The following GALNT14 variants were observed in gnomAD, a reference collection of about 807,000 sequenced individuals.
The protein encoded by GALNT14 is UDP-GalNAc:polypeptide N-acetylgalactosaminyltransferase 14.
A neutral mutation model predicts 77.5 loss-of-function variants in GALNT14; 60 were observed. That is an observed-to-expected ratio of 0.77 (90% CI 0.63 to 0.96). The LOEUF (loss-of-function observed/expected upper bound fraction) is 0.96. GALNT14 is among the 40% of genes least tolerant of loss of function. The probability of loss-of-function intolerance (pLI) is 0.00; values close to 1 mark genes in which losing one functional copy is unlikely to be tolerated. For synonymous variants in GALNT14, 280 were observed against 281.7 expected (o/e 0.99, Z 0.06); for missense variants, 710 against 731.0 (o/e 0.97, Z 0.33).
intron 1 of GALNT14, among the ~76,000 whole-genome samples, chr2:31,119,109 A>T: frequency 6.6e-6 from 1 of 152,296 alleles, no homozygotes; most frequent in East Asian, 1.9e-4. Flanking sequence ...AGAAAAAAAA[A>T]TCATATAAAA....
At position 31,132,266 on chromosome 2, in the gene GALNT14, C is replaced by T. The variant is rs145062400; in HGVS notation, c.129+5692G>A. Among the ~76,000 whole-genome samples the T allele has an allele frequency of 9.4e-3, 1,436 of 152,318 alleles. 11 individuals carry two copies. The highest frequency in any genetic ancestry group is 0.014 in the East Asian group (71 of 5,182). ...CCCACGGTGAATTTCTCACCATACC[C>T]ATGGGATAGAGGCTCAGTGGTTTTG... On this transcript the variant is annotated intron_variant, in intron 1 of 14. Transcript: ENST00000349752.
intron 1 of GALNT14, among the ~76,000 whole-genome samples, chr2:31,018,608 A>ACC (rs1671528552): frequency 6.6e-6 from 1 of 152,216 alleles, no homozygotes; most frequent in East Asian, 1.9e-4. Flanking sequence ...GGGTGGGGAC[A>ACC]CAAAGCCAAA....
chr2:31,133,262 C>T (rs1319705320), intron 1 of GALNT14, among the ~76,000 whole-genome samples: 1 of 152,192 alleles, frequency 6.6e-6, no homozygotes, highest in Non-Finnish European at 1.5e-5. Context: ...AAGCGGGCAA[C>T]AAGAACCCGT....
chr2:30,996,475 T>C (rs1310146044), intron 1 of GALNT14, among the ~76,000 whole-genome samples: 1 of 152,208 alleles, frequency 6.6e-6, no homozygotes, highest in Non-Finnish European at 1.5e-5. Flanking sequence ...ATTGCCTCCC[T>C]GTGCTGGAGA....
intron 1 of GALNT14, among the ~76,000 whole-genome samples, chr2:31,126,270 A>C (rs922035232): frequency 6.6e-6 from 1 of 152,168 alleles, no homozygotes; most frequent in Non-Finnish European, 1.5e-5. Context: ...TTGCAAAGGG[A>C]AAAATACATT....
chr2:30,903,164 T>A, the GALNT14 span, among the ~76,000 whole-genome samples: 1 of 152,234 alleles, frequency 6.6e-6, no homozygotes, highest in African/African-American at 2.4e-5. Flanking sequence ...CTCTTTACTT[T>A]CCAAGTCTAT....
At chr2:30,933,064 T>C (rs549611257) in intron 9 of GALNT14, among the ~76,000 whole-genome samples, 48 of 152,268 alleles carry the variant, frequency 3.2e-4, no homozygotes, top group African/African-American at 1.1e-3. Flanking sequence ...GTAGTGCTTC[T>C]GCCCTGAGAA....
chr2:30,944,214 G>A (rs548559656), intron 8 of GALNT14, among the ~76,000 whole-genome samples: 4 of 152,286 alleles, frequency 2.6e-5, no homozygotes, highest in South Asian at 4.2e-4. Flanking sequence ...AGGCTCCTCT[G>A]TGTGGTGACC....
At chr2:30,889,671 A>G in the GALNT14 span, among the ~76,000 whole-genome samples, 1 of 152,198 alleles carries the variant, frequency 6.6e-6, no homozygotes, top group South Asian at 2.1e-4. Context: ...AAGTTTTTCA[A>G]TTTCTGGGAT....
rs1308784183 is a variant in GALNT14, at chr2:30,938,382, A to ACTCTCT, written c.931+3818_931+3819insAGAGAG. Among the ~76,000 whole-genome samples, 552 of 143,540 alleles carry ACTCTCT rather than the reference A, an allele frequency of 3.8e-3. 3 individuals are homozygous for ACTCTCT. Among genetic ancestry groups the ACTCTCT allele is most frequent in the African/African-American group, 0.015 (526 of 34,240 alleles). The allele number at this position is 143,540 out of a possible 152,430, so 94.2% of individuals were successfully genotyped here. ...TTTACACACACACACACACACACAC[A>ACTCTCT]CACTCTCTCTCTCTCTCTCTCTCTC... On this transcript the variant is annotated intron_variant, in intron 9 of 14. Coordinates refer to ENST00000349752, the MANE Select transcript of GALNT14 (RefSeq NM_024572.4).
At chr2:30,922,829 T>C (rs906431376) in intron 13 of GALNT14, among the ~76,000 whole-genome samples, 1 of 152,208 alleles carries the variant, frequency 6.6e-6, no homozygotes, top group African/African-American at 2.4e-5. Context: ...ATCTTCATAG[T>C]TAATAAAGAA....
intron 2 of GALNT14, among the ~76,000 whole-genome samples, chr2:30,977,220 G>A (rs1432803110): frequency 1.3e-5 from 2 of 151,880 alleles, no homozygotes; most frequent in Non-Finnish European, 1.5e-5. Flanking sequence ...CTCCAGAGTA[G>A]TTGGGACTAC....
the GALNT14 span, among the ~76,000 whole-genome samples, chr2:30,902,990 T>C: frequency 1.2e-4 from 19 of 152,214 alleles, no homozygotes; most frequent in Non-Finnish European, 2.8e-4. Context: ...TCAGAATGTC[T>C]TCTATAGATG....
chr2:31,120,501 T>A (rs1216725425), intron 1 of GALNT14, among the ~76,000 whole-genome samples: 1 of 152,216 alleles, frequency 6.6e-6, no homozygotes, highest in Non-Finnish European at 1.5e-5. Flanking sequence ...TTTGATTTTC[T>A]CTCTACAACT....
chr2:30,897,367 G>A, the GALNT14 span, among the ~76,000 whole-genome samples: 1 of 152,180 alleles, frequency 6.6e-6, no homozygotes, highest in Non-Finnish European at 1.5e-5. Context: ...TGCCCCCTGG[G>A]TAGGCAGTAG....
chr2:31,114,852 A>C, intron 1 of GALNT14: 1 of 716,298 alleles, frequency 1.4e-6, no homozygotes, highest in Non-Finnish European at 2.6e-6. Context: ...TAAGGAGAAA[A>C]TGTCATGAGC....
chr2:30,951,126 C>T (rs1294114765), intron 6 of GALNT14, among the ~76,000 whole-genome samples: 5 of 152,234 alleles, frequency 3.3e-5, no homozygotes, highest in South Asian at 2.1e-4. Context: ...TTTATAACTG[C>T]GCTATTCACA....
downstream of GALNT14, among the ~76,000 whole-genome samples, chr2:30,908,856 C>T (rs1487085070): frequency 1.3e-5 from 2 of 149,400 alleles, no homozygotes. Context: ...GGTACCAAAA[C>T]AGAGATATAG....
chr2:30,963,065 G>A (rs940744777), intron 3 of GALNT14, among the ~76,000 whole-genome samples: 5 of 152,154 alleles, frequency 3.3e-5, no homozygotes, highest in African/African-American at 1.2e-4. Context: ...TTTGCTGTTT[G>A]TGTGTGTCAT....
Sources: gnomAD v4.1 joint callset for allele counts (sites outside exome capture counted in the v4.1 genomes callset) on GRCh38, gnomAD v4.1.1 for gene constraint, MANE v1.5 for transcripts, NCBI Gene and HGNC (gene_info 2026-07-23, HGNC 2026-07-21) for gene names.